CD226: variants seen among roughly 807,000 people sequenced by gnomAD.
CD226 encodes the protein CD226 molecule, also known as CD226 antigen.
CD226 carries 24 observed loss-of-function variants against 34.9 expected under a neutral mutation model. The observed-to-expected ratio is 0.69, with a 90% CI of 0.50 to 0.97. The LOEUF (loss-of-function observed/expected upper bound fraction) is 0.97. CD226 is among the 50% of genes least tolerant of loss of function. The pLI, the probability that CD226 is intolerant of heterozygous loss-of-function variation, is 0.00. For missense variants in CD226, 397 were observed against 412.7 expected (o/e 0.96, Z 0.33); for synonymous variants, 148 against 147.4 (o/e 1.00, Z -0.03).
chr18:69,871,850 CAA>C (rs1181092547), intron 4 of CD226, among the ~76,000 whole-genome samples: 1 of 151,954 alleles, frequency 6.6e-6, no homozygotes, highest in Non-Finnish European at 1.5e-5. Context: ...GGAAGATAAC[CAA>C]AGATATTGAA....
chr18:69,908,497 T>C (rs1464330052), intron 2 of CD226, among the ~76,000 whole-genome samples: 1 of 152,222 alleles, frequency 6.6e-6, no homozygotes, highest in East Asian at 1.9e-4. Context: ...AACACAAAGA[T>C]GATGAACAGT....
chr18:69,961,442 C>T (rs1183987252), upstream of CD226: 1 of 152,184 alleles, frequency 6.6e-6, no homozygotes, highest in African/African-American at 2.4e-5. Flanking sequence ...GCAAAAAGGT[C>T]TTCACCTAGT....
At chr18:69,899,781 G>T (rs1985497674) in intron 2 of CD226, among the ~76,000 whole-genome samples, 1 of 152,194 alleles carries the variant, frequency 6.6e-6, no homozygotes, top group South Asian at 2.1e-4. Context: ...AAACATTACA[G>T]ATGCTGGTGA....
intron 4 of CD226, among the ~76,000 whole-genome samples, chr18:69,868,292 G>T (rs1181818280): frequency 6.6e-6 from 1 of 152,150 alleles, no homozygotes; most frequent in Non-Finnish European, 1.5e-5. Flanking sequence ...AGACTCCTCT[G>T]TTAGATACAG....
rs1380100944 is a variant in CD226 at position 69,863,191 on chromosome 18, T to A, written c.*1123A>T. The A allele has an allele frequency of 2.6e-5, 4 of 152,140 alleles. No homozygotes were observed. Among genetic ancestry groups the A allele is most frequent in the African/African-American group, 9.7e-5 (4 of 41,438 alleles). The allele number at this position is 152,140 out of a possible 1,614,324, so 9.4% of individuals were successfully genotyped here. ...CCAATTTCTTTTTTCCCTCCCAAAT[T>A]TCTACCCTACCGTCCTATGCCACCA... is the stretch of plus-strand genomic sequence containing the variant. On this transcript the variant is annotated 3_prime_UTR_variant, in exon 6 of 6. Transcript: ENST00000582621.
chr18:69,891,493 A>G (rs1984900822), intron 3 of CD226, among the ~76,000 whole-genome samples: 1 of 152,210 alleles, frequency 6.6e-6, no homozygotes, highest in African/African-American at 2.4e-5. Context: ...AGAGCCATTA[A>G]ACAAGAAAAA....
chr18:69,918,563 A>G (rs2055413758), intron 2 of CD226, among the ~76,000 whole-genome samples: 1 of 152,198 alleles, frequency 6.6e-6, no homozygotes, highest in Admixed American at 6.5e-5. Flanking sequence ...GTCTCAAAAA[A>G]TAAATTAATT....
chr18:69,877,714 G>A (rs1359758670), intron 3 of CD226, among the ~76,000 whole-genome samples: 3 of 152,176 alleles, frequency 2.0e-5, no homozygotes, highest in Admixed American at 6.5e-5. Context: ...TTTGAGCCAG[G>A]ACCCGTGGAT....
upstream of CD226, among the ~76,000 whole-genome samples, chr18:69,948,342 T>C (rs555239145): frequency 1.1e-4 from 17 of 152,314 alleles, no homozygotes; most frequent in South Asian, 2.5e-3. Context: ...GTATAAAAAG[T>C]ATACCCCTAC....
rs1408185133 is a variant in CD226 at position 69,946,955 on chromosome 18, C to T, written c.161G>A (p.Gly54Glu). 1 of 1,614,152 alleles carries T rather than the reference C, an allele frequency of 6.2e-7. No homozygotes were observed. Among genetic ancestry groups the T allele is most frequent in the East Asian group, 2.2e-5 (1 of 44,878 alleles). ...AATGGCTATGGAATCCTGCTGGGTC[C>T]CGATCTTGAACCACTCCACCTGTGT... ...ILTQVEWFKI[G>E]TQQDSIAIFS... Residue 54 changes from glycine to glutamate, a missense_variant, in exon 2 of 6, where the codon GGG becomes GAG. Gly to Glu is a moderately conservative substitution (Grantham distance 98, BLOSUM62 -2). Transcript: ENST00000582621.
intron 2 of CD226, among the ~76,000 whole-genome samples, chr18:69,899,305 T>C (rs1985474549): frequency 6.6e-6 from 1 of 152,226 alleles, no homozygotes; most frequent in Non-Finnish European, 1.5e-5. Context: ...GTTCTGCATA[T>C]GCAGTTTGAG....
intron 4 of CD226, among the ~76,000 whole-genome samples, chr18:69,869,359 C>T (rs750231600): frequency 2.0e-5 from 3 of 152,138 alleles, no homozygotes; most frequent in Non-Finnish European, 2.9e-5. Context: ...TGCAGGGACA[C>T]GGATAGAGCT....
chr18:69,870,383 T>C (rs766216620), intron 4 of CD226, among the ~76,000 whole-genome samples: 12 of 150,486 alleles, frequency 8.0e-5, no homozygotes, highest in Non-Finnish European at 1.5e-4. Flanking sequence ...CAAGTGATTC[T>C]CCTGTCTCAG....
chr18:69,895,955 C>T lies in CD226; in HGVS notation c.473G>A (p.Trp158Ter). The T allele has an allele frequency of 6.2e-7, 1 of 1,614,036 alleles. No individual in the cohort carries two copies. The highest frequency in any genetic ancestry group is 8.5e-7 in the Non-Finnish European group (1 of 1,179,978). The change falls in exon 3 of 6, where the codon TGG (tryptophan) becomes TAG (stop). Residue 158 changes from tryptophan (W) to a stop codon, truncating the protein, a stop_gained. Coordinates refer to ENST00000582621, the MANE Select transcript of CD226 (RefSeq NM_001303618.2). LOFTEE classifies it high-confidence loss of function. ...VTLTCQPQMT[W>*]PVQAVRWEKI... ...TTCCCACCTCACTGCCTGCACAGGC[C>T]ACGTCATCTGAGGCTGACAAGTGAG...
At chr18:69,940,802 CA>C (rs2055714625) in intron 2 of CD226, among the ~76,000 whole-genome samples, 1 of 152,150 alleles carries the variant, frequency 6.6e-6, no homozygotes, top group Non-Finnish European at 1.5e-5. Flanking sequence ...CAGAAATTTG[CA>C]TAAGTAATGA....
At chr18:69,913,211 G>A (rs1161562049) in intron 2 of CD226, among the ~76,000 whole-genome samples, 3 of 152,132 alleles carry the variant, frequency 2.0e-5, no homozygotes, top group Non-Finnish European at 2.9e-5. Context: ...TAGCAGTGGA[G>A]AAGAGAGAGA....
At position 69,856,991 on chromosome 18, in the gene CD226, AC is replaced by A. The variant is rs1982629578; in HGVS notation, c.*7322del. On this transcript the variant is annotated 3_prime_UTR_variant, in exon 6 of 6. Coordinates refer to ENST00000582621, the MANE Select transcript of CD226 (RefSeq NM_001303618.2). ...AGACCACCCTGGCTAACACGGTGAA[AC>A]CCCGTCTCTACTAAAAATACAAAAA... 6.6e-6 allele frequency: 1 copy of A among 152,246 alleles called. No individual in the cohort carries two copies. The highest frequency in any genetic ancestry group is 6.5e-5 in the Admixed American group (1 of 15,300). 9.4% of individuals were successfully genotyped at this position (152,246 alleles called of 1,614,324 possible).
Position 69,946,801 on chromosome 18 carries a change from G to C in CD226, c.315C>G (p.Tyr105Ter). The C allele has an allele frequency of 1.2e-6, 2 of 1,614,072 alleles. No individual in the cohort carries two copies. The highest frequency in any genetic ancestry group is 8.5e-7 in the Non-Finnish European group (1 of 1,180,020). The change falls in exon 2 of 6, where the codon TAC becomes TAG. Residue 105 changes from tyrosine (Y) to a stop codon, truncating the protein, a stop_gained. Transcript: ENST00000582621. LOFTEE classifies it high-confidence loss of function. ...GGTAAGTGTAAAGAGAGCAGGAATA[G>C]TAGCCAACATCATCTTCAGAGGCAT... ...FRNASEDDVG[Y>*]YSCSLYTYPQ...
upstream of CD226, among the ~76,000 whole-genome samples, chr18:69,957,813 A>T (rs2055909316): frequency 6.6e-6 from 1 of 152,174 alleles, no homozygotes. Context: ...CTTCTCAAAC[A>T]CCTGCCTGAC....
Sources: gnomAD v4.1 joint callset for allele counts (sites outside exome capture counted in the v4.1 genomes callset) on GRCh38, gnomAD v4.1.1 for gene constraint, MANE v1.5 for transcripts, NCBI Gene and HGNC (gene_info 2026-07-23, HGNC 2026-07-21) for gene names.